The following ZZZ3 variants were observed in gnomAD, a reference collection of about 807,000 sequenced individuals.
ZZZ3 encodes the protein ZZ-type zinc finger-containing protein 3.
ZZZ3 carries 22 observed loss-of-function variants against 95.2 expected under a neutral mutation model. The observed-to-expected ratio is 0.23, with a 90% CI of 0.17 to 0.33. ZZZ3 has a LOEUF of 0.33. Ranked by LOEUF, ZZZ3 falls within the 10% of genes least tolerant of loss-of-function variation. The probability of loss-of-function intolerance (pLI) is 1.00; values close to 1 mark genes in which losing one functional copy is unlikely to be tolerated. For missense variants in ZZZ3, 885 were observed against 1,066.5 expected (o/e 0.83, Z 2.37); for synonymous variants, 335 against 358.9 (o/e 0.93, Z 0.75).
In ZZZ3 at chr1:77,578,889, C is replaced by T. The variant is rs1662229584; in HGVS notation, c.2083-20G>A. 2.7e-6 allele frequency: 4 copies of T among 1,479,484 alleles called. No homozygotes were observed. The Middle Eastern group carries it at 5.9e-4, about 219-fold the overall frequency. 91.6% of individuals were successfully genotyped at this position (1,479,484 alleles called of 1,614,324 possible). On this transcript the variant is annotated intron_variant, in intron 10 of 14. Coordinates refer to ENST00000370801, the MANE Select transcript of ZZZ3 (RefSeq NM_015534.6). ...GGCAACCTAAGGAAACATGACAAGT[C>T]TCTTAACACAATGAGATGACATACA...
intron 12 of ZZZ3, among the ~76,000 whole-genome samples, chr1:77,570,828 A>ATTTT (rs1234908458): frequency 1.1e-4 from 14 of 123,752 alleles, no homozygotes; most frequent in South Asian, 2.8e-4. Flanking sequence ...AGCCTGGCTA[A>ATTTT]TTTTTTTTTT....
At chr1:77,580,885 CA>C in intron 9 of ZZZ3, 112 bp downstream of exon 9, 1 of 879,636 alleles carries the variant, frequency 1.1e-6, no homozygotes, top group South Asian at 1.5e-5. Context: ...ATCAGCCTCC[CA>C]AAGTGCTGGG....
chr1:77,633,354 TACTATGGC>T lies in ZZZ3; in HGVS notation c.-8_-1del. 1 of 1,596,776 alleles carries T rather than the reference TACTATGGC, an allele frequency of 6.3e-7. No individual in the cohort carries two copies. The highest frequency in any genetic ancestry group is 8.5e-7 in the Non-Finnish European group (1 of 1,171,642). On this transcript the variant is annotated 5_prime_UTR_variant, in exon 5 of 15. Coordinates refer to ENST00000370801, the MANE Select transcript of ZZZ3 (RefSeq NM_015534.6). ...ACACGAGTAGATCGGGAAGCAGCCA[TACTATGGC>T]AAGTCCCTACAATACGGTCATCATG...
chr1:77,669,443 T>C (rs1374640736), intron 1 of ZZZ3, among the ~76,000 whole-genome samples: 2 of 151,692 alleles, frequency 1.3e-5, no homozygotes, highest in Admixed American at 6.6e-5. Context: ...ACCATTAAAC[T>C]TTCTTTCTCA....
chr1:77,627,610 G>A (rs535239593), intron 5 of ZZZ3, among the ~76,000 whole-genome samples: 8 of 152,250 alleles, frequency 5.3e-5, no homozygotes, highest in East Asian at 3.9e-4. Context: ...TATCATTAAC[G>A]TTTTCCAAAA....
intron 5 of ZZZ3, among the ~76,000 whole-genome samples, chr1:77,605,750 C>T (rs572674819): frequency 4.3e-4 from 66 of 152,300 alleles, no homozygotes; most frequent in Middle Eastern, 3.4e-3. Context: ...AAGGAACCCA[C>T]TGCCTTGAAG....
rs543881761 is a variant in ZZZ3 at position 77,651,387 on chromosome 1, T to TA, written c.-402-9733dup. Among the ~76,000 whole-genome samples, 901 of 152,062 alleles carry TA rather than the reference T, an allele frequency of 5.9e-3. 6 individuals carry two copies. Among genetic ancestry groups the TA allele is most frequent in the Non-Finnish European group, 7.1e-3 (486 of 67,974 alleles). On this transcript the variant is annotated intron_variant, in intron 1 of 14. Coordinates refer to ENST00000370801, the MANE Select transcript of ZZZ3 (RefSeq NM_015534.6). ...GAGAGAGAGAATCTGTCTTTAAAAA[T>TA]AAAAAAACACTAACAAATCTTTGTG...
At chr1:77,614,890 A>T (rs146941042) in intron 5 of ZZZ3, 2 of 152,334 alleles carry the variant, frequency 1.3e-5, no homozygotes, top group Non-Finnish European at 2.9e-5. Flanking sequence ...TACCAGCCCG[A>T]ATGTGCCCAA....
At chr1:77,677,497 GT>G (rs1346680425) in intron 1 of ZZZ3, among the ~76,000 whole-genome samples, 1 of 152,132 alleles carries the variant, frequency 6.6e-6, no homozygotes, top group East Asian at 1.9e-4. Context: ...TATAAAAAAT[GT>G]TAAATGTTGA....
At chr1:77,623,635 G>A (rs192698425) in intron 5 of ZZZ3, among the ~76,000 whole-genome samples, 1 of 152,208 alleles carries the variant, frequency 6.6e-6, no homozygotes, top group East Asian at 1.9e-4. Context: ...CTGCCTGTCA[G>A]AACAAATGTC....
chr1:77,667,788 G>A (rs971703066), intron 1 of ZZZ3, among the ~76,000 whole-genome samples: 2 of 131,750 alleles, frequency 1.5e-5, no homozygotes, highest in Non-Finnish European at 3.1e-5. Flanking sequence ...TTTTTTGAGA[G>A]AGAGTCTCGC....
chr1:77,667,366 T>C (rs1275357311), intron 1 of ZZZ3, among the ~76,000 whole-genome samples: 1 of 152,228 alleles, frequency 6.6e-6, no homozygotes, highest in Admixed American at 6.5e-5. Flanking sequence ...ACTTTGTCTT[T>C]AGACAGCTTT....
In ZZZ3 at chr1:77,584,520, C is replaced by A; in HGVS notation, c.1641G>T (p.Lys547Asn). ...TTAAAAACAGTTCAATGTATACCTTCTTCTGGAGTTTTTCCACAAATCCAA... is the reference window on the plus strand; with the variant it reads ...TTAAAAACAGTTCAATGTATACCTTATTCTGGAGTTTTTCCACAAATCCAA... ...NPIGFVEKLQ[K>N]KADIGLPYPQ... Residue 547 changes from lysine (K) to asparagine (N), a missense_variant, in exon 6 of 15, where the codon AAG (lysine) becomes AAT (asparagine). Lys to Asn is a moderately conservative substitution (Grantham distance 94). This residue lies in a region of ZZZ3 where 556 missense variants were observed against 652.9 expected (regional missense o/e 0.85). Transcript: ENST00000370801. The A allele has an allele frequency of 6.2e-7, 1 of 1,607,990 alleles. No homozygotes were observed. Among genetic ancestry groups the A allele is most frequent in the Non-Finnish European group, 8.5e-7 (1 of 1,178,302 alleles).
chr1:77,590,069 T>C (rs886112710), intron 5 of ZZZ3, among the ~76,000 whole-genome samples: 2 of 152,114 alleles, frequency 1.3e-5, no homozygotes, highest in Admixed American at 6.5e-5. Context: ...CATTAAATAG[T>C]GTCATTAAAA....
At chr1:77,617,387 T>G (rs1379167762) in intron 5 of ZZZ3, among the ~76,000 whole-genome samples, 1 of 152,186 alleles carries the variant, frequency 6.6e-6, no homozygotes, top group Non-Finnish European at 1.5e-5. Context: ...AATAGAAACA[T>G]ATATGACCTA....
At chr1:77,668,738 T>C (rs1570659086) in intron 1 of ZZZ3, among the ~76,000 whole-genome samples, 1 of 152,190 alleles carries the variant, frequency 6.6e-6, no homozygotes, top group African/African-American at 2.4e-5. Context: ...ATGTTCTTTT[T>C]ACCACACCAC....
chr1:77,620,213 T>C (rs1336583442), intron 5 of ZZZ3, among the ~76,000 whole-genome samples: 5 of 152,064 alleles, frequency 3.3e-5, no homozygotes, highest in African/African-American at 1.2e-4. Context: ...GGGCCTAGAA[T>C]GAGAGAACAT....
chr1:77,662,003 T>C (rs1286623481), intron 1 of ZZZ3, among the ~76,000 whole-genome samples: 2 of 146,242 alleles, frequency 1.4e-5, no homozygotes, highest in Non-Finnish European at 3.0e-5. Context: ...TTTTACTTGG[T>C]TTTTCTGTAC....
At chr1:77,607,092 G>A (rs1312729579) in intron 5 of ZZZ3, among the ~76,000 whole-genome samples, 1 of 152,184 alleles carries the variant, frequency 6.6e-6, no homozygotes, top group Non-Finnish European at 1.5e-5. Context: ...TACTAATAAA[G>A]ACATACTTGA....
Sources: gnomAD v4.1 joint callset for allele counts (sites outside exome capture counted in the v4.1 genomes callset) on GRCh38, gnomAD v4.1.1 for gene constraint, gnomAD v4.1.1 regional missense constraint, MANE v1.5 for transcripts, NCBI Gene and HGNC (gene_info 2026-07-23, HGNC 2026-07-21) for gene names.